TMX2: variants seen among roughly 807,000 people sequenced by gnomAD.
The protein encoded by TMX2 is thioredoxin related transmembrane protein 2.
Under a neutral mutation model 33.4 loss-of-function variants are expected in TMX2, and 20 were observed. The observed-to-expected ratio is 0.60, with a 90% CI of 0.42 to 0.87. The LOEUF (loss-of-function observed/expected upper bound fraction) is 0.87, where lower values mean the gene tolerates loss of function less well. TMX2 is among the 40% of genes least tolerant of loss of function. The pLI is 0.00. For missense variants in TMX2, 340 were observed against 370.7 expected, an observed-to-expected ratio of 0.92 and a Z score of 0.68; for synonymous variants, 166 against 140.7, an observed-to-expected ratio of 1.18 and a Z score of -1.27.
chr11:57,726,428 TA>T (rs1157872149), intron 1 of TMX2, among the ~76,000 whole-genome samples: 30 of 146,622 alleles, frequency 2.0e-4, no homozygotes, highest in African/African-American at 4.7e-4. Context: ...AAGATAAGAT[TA>T]AAAAAAAAAC....
At position 57,738,415 on chromosome 11, in the gene TMX2, T is replaced by A; in HGVS notation, c.426T>A (p.Asn142Lys). ...YMGPEYIKYF[N>K]DKTIDEELER... ...GCCCTGAGTATATCAAGTACTTCAA[T>A]GATAAAACCATTGATGTGAGTGCTC... Residue 142 changes from asparagine to lysine, a missense_variant, in exon 4 of 8, where the codon AAT (asparagine) becomes AAA (lysine). Physicochemically the swap from Asn to Lys is moderately conservative, Grantham distance 94. Transcript: ENST00000278422. 6.2e-7 allele frequency: 1 copy of A among 1,611,726 alleles called. No homozygotes were observed. The highest frequency in any genetic ancestry group is 1.1e-5 in the South Asian group (1 of 90,966).
chr11:57,738,417 A>G lies in TMX2; in HGVS notation c.428A>G (p.Asp143Gly). The part of the protein sequence containing the change: ...MGPEYIKYFN[D>G]KTIDEELERD... ...CCTGAGTATATCAAGTACTTCAATG[A>G]TAAAACCATTGATGTGAGTGCTCTT... is the stretch of plus-strand genomic sequence containing the variant. The change falls in exon 4 of 8, where the codon GAT becomes GGT. Residue 143 changes from aspartate to glycine, a missense_variant. By Grantham distance (94) the Asp-to-Gly change is moderately conservative. Transcript: ENST00000278422. 1.2e-6 allele frequency: 2 copies of G among 1,609,638 alleles called. No individual in the cohort carries two copies. Among genetic ancestry groups the G allele is most frequent in the South Asian group, 1.1e-5 (1 of 90,918 alleles).
chr11:57,731,140 T>G (rs1164070799), intron 1 of TMX2, among the ~76,000 whole-genome samples: 90 of 140,088 alleles, frequency 6.4e-4, no homozygotes, highest in East Asian at 3.4e-3. Context: ...TTTTTTTTTT[T>G]TTTTTTTTTT....
In TMX2 at chr11:57,738,367, G is replaced by C. The variant is rs754797907; in HGVS notation, c.378G>C (p.Thr126=). 1 of 1,609,382 alleles carries C rather than the reference G, an allele frequency of 6.2e-7. No homozygotes were observed. Among genetic ancestry groups the C allele is most frequent in the South Asian group, 1.1e-5 (1 of 90,932 alleles). ...TTCTGTATTTAGTGTTCCTGATGAC[G>C]TGCAAACCCCCCCTATATATGGGCC... ...YITLCIVFLM[T]CKPPLYMGPE... is the part of the protein sequence containing the mutation. The change falls in exon 4 of 8, where the codon ACG becomes ACC. Residue 126 remains threonine (T), a synonymous_variant. Transcript: ENST00000278422.
At position 57,712,760 on chromosome 11, in the gene TMX2, G is replaced by T. The variant is rs111605325; in HGVS notation, c.142G>T (p.Gly48Cys). Reference sequence around the variant, plus strand: ...GAGGAAACTGCCGCCGCTCTGCCACGGTCTGCCCACCCAACGCGAAGACGG... The same window carrying T: ...GAGGAAACTGCCGCCGCTCTGCCACTGTCTGCCCACCCAACGCGAAGACGG... ...LVRKLPPLCH[G>C]LPTQREDGNP... Residue 48 changes from glycine (G) to cysteine (C), a missense_variant, in exon 1 of 8, where the codon GGT becomes TGT. Coordinates refer to ENST00000278422, the MANE Select transcript of TMX2 (RefSeq NM_015959.4). The T allele has an allele frequency of 6.2e-7, 1 of 1,614,114 alleles. No individual in the cohort carries two copies. The highest frequency in any genetic ancestry group is 1.1e-5 in the South Asian group (1 of 91,084).
At position 57,712,668 on chromosome 11, in the gene TMX2, T is replaced by C. The variant is rs1946679832; in HGVS notation, c.50T>C (p.Leu17Pro). 1.2e-6 allele frequency: 2 copies of C among 1,614,068 alleles called. No homozygotes were observed. Among genetic ancestry groups the C allele is most frequent in the African/African-American group, 2.7e-5 (2 of 74,944 alleles). ...GCTCTCGTGTATTCGGTGCCGCGAC[T>C]TTCACGATGGCTCGCCCAACCTTAC... ...LIALVYSVPR[L>P]SRWLAQPYYL... The change falls in exon 1 of 8, where the codon CTT becomes CCT. Residue 17 changes from leucine (L) to proline (P), a missense_variant. Physicochemically the swap from Leu to Pro is moderately conservative, Grantham distance 98. Coordinates refer to ENST00000278422, the MANE Select transcript of TMX2 (RefSeq NM_015959.4).
intron 1 of TMX2, among the ~76,000 whole-genome samples, chr11:57,730,450 AAAAAG>A: frequency 7.0e-6 from 1 of 141,998 alleles, no homozygotes; most frequent in Non-Finnish European, 1.5e-5. Context: ...AAAAAAAAAA[AAAAAG>A]GCCAGGCATG....
At chr11:57,718,336 A>C in intron 1 of TMX2, 2 of 1,548,986 alleles carry the variant, frequency 1.3e-6, no homozygotes, top group Non-Finnish European at 1.8e-6. Context: ...TGGCGTGTGA[A>C]GTCACCACCT....
At chr11:57,731,142 T>TTG (rs1565227273) in intron 1 of TMX2, among the ~76,000 whole-genome samples, 2 of 140,884 alleles carry the variant, frequency 1.4e-5, no homozygotes, top group African/African-American at 5.2e-5. Context: ...TTTTTTTTTT[T>TTG]TTTTTTTTTT....
chr11:57,716,416 G>A (rs973717684), intron 1 of TMX2, among the ~76,000 whole-genome samples: 1 of 131,802 alleles, frequency 7.6e-6, no homozygotes, highest in African/African-American at 2.8e-5. Flanking sequence ...CTCCCTCCCG[G>A]ACGGGGCGGC....
At chr11:57,729,165 A>C (rs1948192131) in intron 1 of TMX2, among the ~76,000 whole-genome samples, 1 of 152,126 alleles carries the variant, frequency 6.6e-6, no homozygotes, top group Admixed American at 6.5e-5. Flanking sequence ...TAAGGAGAAA[A>C]TGAGGAGAAT....
At chr11:57,720,866 G>A (rs1947582870) in intron 1 of TMX2, among the ~76,000 whole-genome samples, 1 of 152,196 alleles carries the variant, frequency 6.6e-6, no homozygotes, top group African/African-American at 2.4e-5. Context: ...CCCTTCAGGG[G>A]ATCCAAAACA....
chr11:57,722,362 C>G (rs1342891105), intron 1 of TMX2, among the ~76,000 whole-genome samples: 1 of 151,630 alleles, frequency 6.6e-6, no homozygotes, highest in Non-Finnish European at 1.5e-5. Context: ...ACAATAAAAT[C>G]AGGTGTGAGT....
At chr11:57,716,667 A>C (rs1447384744) in intron 1 of TMX2, among the ~76,000 whole-genome samples, 8 of 97,580 alleles carry the variant, frequency 8.2e-5, no homozygotes, top group African/African-American at 1.2e-4. Context: ...CGGGGGGCTG[A>C]CCCCCCCACC....
chr11:57,718,772 C>T lies in TMX2; in HGVS notation c.189+5965C>T, dbSNP rs537096114. ...CTGGGTTCAAGTAATTCTCCTGCCT[C>T]AGCCTCCCGAGAAGCTGGGACTACA... On this transcript the variant is annotated intron_variant, in intron 1 of 7. Transcript: ENST00000278422. Among the ~76,000 whole-genome samples, 6 of 150,230 alleles carry T rather than the reference C, an allele frequency of 4.0e-5. No homozygotes were observed. In the South Asian group the frequency reaches 1.3e-3, roughly 32 times the overall value.
At chr11:57,736,029 A>C (rs1948731639) in intron 1 of TMX2, among the ~76,000 whole-genome samples, 1 of 152,126 alleles carries the variant, frequency 6.6e-6, no homozygotes, top group African/African-American at 2.4e-5. Flanking sequence ...AAGAAAGCCT[A>C]ATGTTGGTAA....
At chr11:57,716,815 A>G (rs1261949370) in intron 1 of TMX2, among the ~76,000 whole-genome samples, 3 of 141,478 alleles carry the variant, frequency 2.1e-5, no homozygotes, top group Admixed American at 1.4e-4. Context: ...CACCTCCCGG[A>G]CGGGGCGGCT....
intron 1 of TMX2, among the ~76,000 whole-genome samples, chr11:57,724,644 A>T (rs180738320): frequency 4.3e-4 from 66 of 151,964 alleles, no homozygotes; most frequent in Middle Eastern, 3.4e-3. Context: ...TGGGACCAGA[A>T]CATAAAAACA....
At position 57,740,233 on chromosome 11, in the gene TMX2, G is replaced by A. The variant is rs144686377; in HGVS notation, c.879G>A (p.Lys293=). The part of the protein sequence containing the change: ...TPTTVSDGEN[K]KDK ...CCACAGTGTCAGATGGGGAAAACAA[G>A]AAGGATAAATAAGATCCTCACTTTG... Residue 293 remains lysine (K), a synonymous_variant, in exon 8 of 8, where the codon AAG becomes AAA. Coordinates refer to ENST00000278422, the MANE Select transcript of TMX2 (RefSeq NM_015959.4). 1.6e-3 allele frequency: 2,548 copies of A among 1,604,590 alleles called. 4 individuals carry two copies. The highest frequency in any genetic ancestry group is 8.5e-3 in the Middle Eastern group (51 of 6,016).
Sources: allele counts gnomAD v4.1 joint callset (sites outside exome capture counted in the v4.1 genomes callset), GRCh38; gene constraint gnomAD v4.1.1; transcripts MANE v1.5; gene names NCBI Gene and HGNC (gene_info 2026-07-23, HGNC 2026-07-21).